The following FHIP1A variants were observed in gnomAD, a reference collection of about 807,000 sequenced individuals.
FHIP1A encodes the protein FHF complex subunit HOOK-interacting protein 1A.
FHIP1A carries 61 observed loss-of-function variants against 88.6 expected under a neutral mutation model. The ratio of observed to expected loss-of-function variants is 0.69; its 90% CI spans 0.56 to 0.85. FHIP1A has a LOEUF of 0.85. FHIP1A is among the 40% of genes least tolerant of loss of function. The pLI is 0.00. For synonymous variants in FHIP1A, 478 were observed against 496.0 expected (o/e 0.96, Z 0.48); for missense variants, 1,154 against 1,273.5 (o/e 0.91, Z 1.43).
chr4:151,618,561 A>C (rs557867937), intron 7 of FHIP1A, among the ~76,000 whole-genome samples: 1 of 152,188 alleles, frequency 6.6e-6, no homozygotes, highest in African/African-American at 2.4e-5. Context: ...GTGCTTTTCT[A>C]TTATCCTGTA....
intron 2 of FHIP1A, among the ~76,000 whole-genome samples, chr4:151,480,315 A>G (rs2126632386): frequency 6.6e-6 from 1 of 152,198 alleles, no homozygotes; most frequent in African/African-American, 2.4e-5. Context: ...GTAAAAGCAT[A>G]TGTGTGCGAG....
intron 3 of FHIP1A, among the ~76,000 whole-genome samples, chr4:151,556,050 G>A (rs919918853): frequency 1.3e-5 from 2 of 152,048 alleles, no homozygotes; most frequent in Admixed American, 6.6e-5. Context: ...AGTAAACAAT[G>A]TATAAATGTG....
intron 3 of FHIP1A, among the ~76,000 whole-genome samples, chr4:151,494,389 T>C (rs185754938): frequency 4.5e-4 from 69 of 152,374 alleles, no homozygotes; most frequent in Non-Finnish European, 8.2e-4. Flanking sequence ...CTTCTGTATA[T>C]GGCTAGCTAG....
chr4:151,495,990 A>G (rs201808559), intron 3 of FHIP1A, among the ~76,000 whole-genome samples: 1 of 152,084 alleles, frequency 6.6e-6, no homozygotes, highest in African/African-American at 2.4e-5. Context: ...AAAATAAACA[A>G]TATGTCTACC....
At chr4:151,568,610 G>C (rs539629321) in intron 4 of FHIP1A, among the ~76,000 whole-genome samples, 97 of 152,292 alleles carry the variant, frequency 6.4e-4, no homozygotes, top group Non-Finnish European at 1.1e-3. Flanking sequence ...CGTGGGACTT[G>C]AGAATGTATA....
chr4:151,538,356 G>A (rs1428393394), intron 3 of FHIP1A, among the ~76,000 whole-genome samples: 1 of 152,144 alleles, frequency 6.6e-6, no homozygotes, highest in Non-Finnish European at 1.5e-5. Flanking sequence ...ATAGGGCCTG[G>A]TAACTGCTCA....
Position 151,662,871 on chromosome 4 carries a change from T to C in FHIP1A, c.*117T>C. 1 of 1,036,470 alleles carries C rather than the reference T, an allele frequency of 9.6e-7. No individual in the cohort carries two copies. The highest frequency in any genetic ancestry group is 1.3e-6 in the Non-Finnish European group (1 of 753,880). The allele number at this position is 1,036,470 out of a possible 1,614,324, so 64.2% of individuals were successfully genotyped here. A position where few individuals can be genotyped will look rare whatever the true frequency, so the allele number is the denominator to read the frequency against. On this transcript the variant is annotated 3_prime_UTR_variant, in exon 14 of 14. Transcript: ENST00000435205. ...TACTTTAATGTTTCCTGACAATACT[T>C]GATTTGTGGGGAGGGGAATTTTCTG...
At chr4:151,566,450 A>G (rs572537768) in intron 4 of FHIP1A, 86 bp downstream of exon 4, 1 of 716,728 alleles carries the variant, frequency 1.4e-6, no homozygotes, top group Non-Finnish European at 2.4e-6. Context: ...TACCTCTGTG[A>G]TAGGTAACTA....
intron 3 of FHIP1A, among the ~76,000 whole-genome samples, chr4:151,509,523 A>T (rs1730950846): frequency 6.6e-6 from 1 of 152,070 alleles, no homozygotes; most frequent in Admixed American, 6.6e-5. Context: ...ATTAGCAGAT[A>T]TGACTTCTGC....
chr4:151,646,613 A>G lies in FHIP1A; in HGVS notation c.1282A>G (p.Arg428Gly). 1 of 1,551,588 alleles carries G rather than the reference A, an allele frequency of 6.4e-7. No homozygotes were observed. Among genetic ancestry groups the G allele is most frequent in the Non-Finnish European group, 8.7e-7 (1 of 1,146,930 alleles). ...GAGTCAGAGGTGGGCTGTGAAGGAGAGAGACTGTTACTCTGTTTCTGCGGC... is the reference window on the plus strand; with the variant it reads ...GAGTCAGAGGTGGGCTGTGAAGGAGGGAGACTGTTACTCTGTTTCTGCGGC... The part of the protein sequence containing the change: ...MLSQRWAVKE[R>G]DCYSVSAAKL... Residue 428 changes from arginine (R) to glycine (G), a missense_variant, in exon 10 of 14, where the codon AGA becomes GGA. Physicochemically the swap from Arg to Gly is moderately radical, Grantham distance 125. Coordinates refer to ENST00000435205, the MANE Select transcript of FHIP1A (RefSeq NM_001109977.3).
chr4:151,592,620 T>C (rs1455278332), intron 7 of FHIP1A, among the ~76,000 whole-genome samples: 1 of 152,230 alleles, frequency 6.6e-6, no homozygotes, highest in Admixed American at 6.5e-5. Flanking sequence ...TGGGGTTTTT[T>C]CTTGTAAATT....
intron 1 of FHIP1A, among the ~76,000 whole-genome samples, chr4:151,446,585 T>C (rs902956204): frequency 5.3e-4 from 73 of 138,294 alleles, no homozygotes; most frequent in African/African-American, 1.6e-3. Context: ...CTTTTTCTTT[T>C]TTTTTTTTTT....
intron 1 of FHIP1A, among the ~76,000 whole-genome samples, chr4:151,445,139 A>G (rs1161252502): frequency 2.0e-5 from 3 of 152,162 alleles, no homozygotes; most frequent in African/African-American, 7.2e-5. Context: ...AATTTGCTAC[A>G]AAGGCTTGTA....
chr4:151,659,703 A>T (rs756692759), intron 13 of FHIP1A, among the ~76,000 whole-genome samples: 1 of 152,042 alleles, frequency 6.6e-6, no homozygotes, highest in African/African-American at 2.4e-5. Flanking sequence ...GGACCCTTTT[A>T]TGAGGGGCGT....
intron 1 of FHIP1A, among the ~76,000 whole-genome samples, chr4:151,436,870 G>T (rs749602373): frequency 2.0e-5 from 3 of 152,036 alleles, no homozygotes; most frequent in Non-Finnish European, 4.4e-5. Context: ...GATATAAAAT[G>T]ACATAGTATT....
intron 3 of FHIP1A, among the ~76,000 whole-genome samples, chr4:151,528,245 C>T (rs182595547): frequency 7.1e-4 from 108 of 152,266 alleles, no homozygotes; most frequent in Non-Finnish European, 1.3e-3. Context: ...TGTTAGAGTA[C>T]CCCTGTTTCA....
Position 151,595,041 on chromosome 4 carries a change from T to C in FHIP1A, c.978+6115T>C, listed in dbSNP as rs1578796355. On this transcript the variant is annotated intron_variant, in intron 7 of 13. Transcript: ENST00000435205. ...TCTATGTCCTTCAGTTCTGCTCTGA[T>C]CTTAGGTGTTTCTTGTCTTCTGCTA... Among the ~76,000 whole-genome samples the C allele has an allele frequency of 2.6e-5, 4 of 152,358 alleles. No homozygotes were observed. The South Asian group carries it at 8.3e-4, about 32-fold the overall frequency.
intron 1 of FHIP1A, among the ~76,000 whole-genome samples, chr4:151,449,937 CT>C (rs966130271): frequency 1.3e-5 from 2 of 151,868 alleles, no homozygotes; most frequent in African/African-American, 4.8e-5. Flanking sequence ...TTGCATGTTC[CT>C]TTTTTTCTCT....
intron 7 of FHIP1A, among the ~76,000 whole-genome samples, chr4:151,604,988 G>A (rs1735018513): frequency 6.6e-6 from 1 of 152,188 alleles, no homozygotes; most frequent in African/African-American, 2.4e-5. Flanking sequence ...AAGTGAAGCA[G>A]TCTAATTGGT....
Sources: allele counts gnomAD v4.1 joint callset (sites outside exome capture counted in the v4.1 genomes callset), GRCh38; gene constraint gnomAD v4.1.1; transcripts MANE v1.5; gene names NCBI Gene and HGNC (gene_info 2026-07-23, HGNC 2026-07-21).